The following TUSC3 variants were observed in gnomAD, a reference collection of about 807,000 sequenced individuals.
TUSC3 encodes the protein dolichyl-diphosphooligosaccharide--protein glycosyltransferase subunit TUSC3.
TUSC3 carries 45 observed loss-of-function variants against 44.8 expected under a neutral mutation model. The ratio of observed to expected loss-of-function variants is 1.00; its 90% CI spans 0.79 to 1.29. The LOEUF (loss-of-function observed/expected upper bound fraction) is 1.29. Among genes scored for constraint, TUSC3 ranks in the 50% most tolerant of loss-of-function variants. The pLI, the probability that TUSC3 is intolerant of heterozygous loss-of-function variation, is 0.00. For missense variants in TUSC3, 519 were observed against 437.9 expected (o/e 1.19, Z -1.65); for synonymous variants, 212 against 152.9 (o/e 1.39, Z -2.85).
In TUSC3 at chr8:15,430,171, C is replaced by A. The variant is rs1378259739; in HGVS notation, n.91+12866C>A. On this transcript the variant is annotated intron_variant and non_coding_transcript_variant, in intron 1 of 5. Transcript: ENST00000503191. ...GTACCAAAGCCTGGCAGAGACACAA[C>A]AAAAAAAAGAGAATTTTAGACCAAT... is the stretch of plus-strand genomic sequence containing the variant. Among the ~76,000 whole-genome samples, 55 of 137,800 alleles carry A rather than the reference C, an allele frequency of 4.0e-4. 3 individuals carry two copies. Among genetic ancestry groups the A allele is most frequent in the African/African-American group, 1.4e-3 (49 of 36,214 alleles). 90.4% of individuals were successfully genotyped at this position (137,800 alleles called of 152,430 possible).
intron 6 of TUSC3, among the ~76,000 whole-genome samples, chr8:15,713,870 A>G (rs1041083631): frequency 5.9e-5 from 9 of 152,176 alleles, no homozygotes; most frequent in African/African-American, 1.9e-4. Context: ...TAACAGAGCA[A>G]TAATACTCAG....
chr8:15,822,287 A>G, the TUSC3 span, among the ~76,000 whole-genome samples: 1 of 152,226 alleles, frequency 6.6e-6, no homozygotes, highest in African/African-American at 2.4e-5. Flanking sequence ...AGATATAAAA[A>G]TGTAGACTTC....
chr8:15,519,283 A>G (rs1801262585), intron 2 of TUSC3, among the ~76,000 whole-genome samples: 2 of 152,196 alleles, frequency 1.3e-5, no homozygotes, highest in South Asian at 2.1e-4. Context: ...AGTTGTAAAG[A>G]CATTTATATC....
intron 2 of TUSC3, among the ~76,000 whole-genome samples, chr8:15,486,819 C>G (rs1194479505): frequency 6.6e-6 from 1 of 152,212 alleles, no homozygotes; most frequent in African/African-American, 2.4e-5. Context: ...ATATTCCTTT[C>G]TCATTGAAGC....
In TUSC3 at chr8:15,438,558, C is replaced by T. The variant is rs185066740; in HGVS notation, n.91+21253C>T. 1.4e-4 allele frequency among the ~76,000 whole-genome samples: 21 copies of T among 152,268 alleles called. 1 individual carries two copies. The highest frequency in any genetic ancestry group is 4.8e-4 in the African/African-American group (20 of 41,552). On this transcript the variant is annotated intron_variant and non_coding_transcript_variant, in intron 1 of 5. Transcript: ENST00000503191. Reference sequence around the variant, plus strand: ...AGATTTTTGGTGCTCCTGTGAAACACTGAAAGGCCAATCTACTAATACTAT... The same window carrying T: ...AGATTTTTGGTGCTCCTGTGAAACATTGAAAGGCCAATCTACTAATACTAT...
At chr8:15,455,996 A>C (rs886803821) in intron 1 of TUSC3, among the ~76,000 whole-genome samples, 1 of 152,284 alleles carries the variant, frequency 6.6e-6, no homozygotes, top group East Asian at 1.9e-4. Flanking sequence ...CTAATGACCA[A>C]TGACTCCACC....
the TUSC3 span, among the ~76,000 whole-genome samples, chr8:15,844,383 C>T: frequency 6.6e-6 from 1 of 151,978 alleles, no homozygotes; most frequent in Non-Finnish European, 1.5e-5. Flanking sequence ...GATTAATAAG[C>T]TAAGAGTCTA....
chr8:15,787,500 A>G, the TUSC3 span, among the ~76,000 whole-genome samples: 12 of 152,210 alleles, frequency 7.9e-5, no homozygotes, highest in Non-Finnish European at 1.5e-4. Context: ...TTGTCAGGAA[A>G]ATATATTATT....
chr8:15,549,041 A>T (rs953033080), intron 1 of TUSC3, among the ~76,000 whole-genome samples: 3 of 151,852 alleles, frequency 2.0e-5, no homozygotes, highest in African/African-American at 7.2e-5. Context: ...TGTAGGAAAA[A>T]GATTGGAAAT....
chr8:15,730,850 C>A, intron 7 of TUSC3, 121 bp downstream of exon 7: 1 of 853,762 alleles, frequency 1.2e-6, no homozygotes, highest in Non-Finnish European at 1.9e-6. Flanking sequence ...TTAGGCTGTA[C>A]TATATGACTA....
At chr8:15,672,962 G>A (rs2129183225) in intron 5 of TUSC3, among the ~76,000 whole-genome samples, 1 of 152,110 alleles carries the variant, frequency 6.6e-6, no homozygotes, top group East Asian at 1.9e-4. Context: ...GGAAGTACAG[G>A]TACTGTTTTA....
chr8:15,509,599 C>T (rs1006141336), intron 2 of TUSC3, among the ~76,000 whole-genome samples: 1 of 151,684 alleles, frequency 6.6e-6, no homozygotes, highest in African/African-American at 2.4e-5. Context: ...CAGAGTGAGA[C>T]ACCATCTCAA....
chr8:15,529,827 G>C (rs1207168896), intron 2 of TUSC3, among the ~76,000 whole-genome samples: 1 of 114,110 alleles, frequency 8.8e-6, no homozygotes, highest in Non-Finnish European at 1.7e-5. Context: ...GTCTCGCTCT[G>C]TTGCCCAGGC....
intron 2 of TUSC3, among the ~76,000 whole-genome samples, chr8:15,632,881 A>G (rs1220360083): frequency 6.6e-6 from 1 of 152,118 alleles, no homozygotes; most frequent in East Asian, 1.9e-4. Flanking sequence ...TATCTCCTTT[A>G]GTCTACTTTC....
At chr8:15,502,726 C>A (rs1022912754) in intron 2 of TUSC3, among the ~76,000 whole-genome samples, 1 of 152,146 alleles carries the variant, frequency 6.6e-6, no homozygotes, top group Non-Finnish European at 1.5e-5. Flanking sequence ...CTCCTGACCT[C>A]GTGATCCCCC....
intron 2 of TUSC3, among the ~76,000 whole-genome samples, chr8:15,649,864 G>T (rs942875170): frequency 1.3e-5 from 2 of 152,002 alleles, no homozygotes; most frequent in Admixed American, 1.3e-4. Context: ...GGGAGAGGGG[G>T]GAGATAAACT....
intron 1 of TUSC3, among the ~76,000 whole-genome samples, chr8:15,609,982 A>G (rs903475575): frequency 6.6e-6 from 1 of 151,928 alleles, no homozygotes; most frequent in Admixed American, 6.6e-5. Context: ...AGTCTCTGGT[A>G]TTTTATTGTA....
At chr8:15,433,117 C>T (rs1302674455) in intron 1 of TUSC3, among the ~76,000 whole-genome samples, 2 of 152,088 alleles carry the variant, frequency 1.3e-5, no homozygotes, top group African/African-American at 2.4e-5. Context: ...ATTTGCTAGT[C>T]CTTTTTGCAT....
Position 15,748,485 on chromosome 8 carries a change from A to G in TUSC3, c.1028+20A>G. ...TTATAGGTAATATCTTTATACTAAC[A>G]TGAATGTTTTTATTTTTAACTAATA... On this transcript the variant is annotated intron_variant, in intron 9 of 10. Coordinates refer to ENST00000503731, the MANE Select transcript of TUSC3 (RefSeq NM_006765.4). 5 of 1,538,056 alleles carry G rather than the reference A, an allele frequency of 3.3e-6. No homozygotes were observed. In the South Asian group the frequency reaches 3.4e-5, roughly 10 times the overall value.
Sources: gnomAD v4.1 joint callset for allele counts (sites outside exome capture counted in the v4.1 genomes callset) on GRCh38, gnomAD v4.1.1 for gene constraint, MANE v1.5 for transcripts, NCBI Gene and HGNC (gene_info 2026-07-23, HGNC 2026-07-21) for gene names.